The following PALLD variants were observed in gnomAD, a reference collection of about 807,000 sequenced individuals.
PALLD encodes palladin.
Under a neutral mutation model 123.5 loss-of-function variants are expected in PALLD, and 61 were observed. The observed-to-expected ratio is 0.49, with a 90% CI of 0.40 to 0.61. PALLD has a LOEUF of 0.61. Ranked by LOEUF, PALLD falls within the 20% of genes least tolerant of loss-of-function variation. The pLI is 0.00. For missense variants in PALLD, 1,273 were observed against 1,377.0 expected (o/e 0.92, Z 1.20); for synonymous variants, 465 against 496.4 (o/e 0.94, Z 0.84).
chr4:168,855,589 T>C (rs1748493621), intron 10 of PALLD, among the ~76,000 whole-genome samples: 1 of 152,218 alleles, frequency 6.6e-6, no homozygotes, highest in African/African-American at 2.4e-5. Flanking sequence ...GTGTGTGACC[T>C]TGACATTATG....
chr4:168,756,165 C>T (rs937566460), intron 10 of PALLD: 2 of 177,306 alleles, frequency 1.1e-5, no homozygotes, highest in South Asian at 1.1e-4. Context: ...CTTTCTTGAG[C>T]GAAAAATATA....
chr4:168,815,690 A>G, intron 10 of PALLD, among the ~76,000 whole-genome samples: 1 of 152,236 alleles, frequency 6.6e-6, no homozygotes. Flanking sequence ...TGGAGCGGAT[A>G]GCCCAATGCC....
At chr4:168,834,207 G>C (rs1231117802) in intron 10 of PALLD, among the ~76,000 whole-genome samples, 2 of 151,932 alleles carry the variant, frequency 1.3e-5, no homozygotes, top group Non-Finnish European at 2.9e-5. Flanking sequence ...TGGAAATAAT[G>C]CAGCTTTATT....
intron 10 of PALLD, among the ~76,000 whole-genome samples, chr4:168,793,727 C>T (rs1390657989): frequency 6.6e-6 from 1 of 152,160 alleles, no homozygotes; most frequent in African/African-American, 2.4e-5. Context: ...AGGAAGAGCA[C>T]AGCCCATCTT....
chr4:168,893,722 TC>T (rs1320640786), intron 11 of PALLD, among the ~76,000 whole-genome samples: 1 of 152,188 alleles, frequency 6.6e-6, no homozygotes, highest in East Asian at 1.9e-4. Flanking sequence ...AGAGCAGGTA[TC>T]ACCCCAACAG....
intron 10 of PALLD, among the ~76,000 whole-genome samples, chr4:168,780,642 A>G (rs1453553288): frequency 1.3e-5 from 2 of 152,120 alleles, no homozygotes; most frequent in African/African-American, 4.8e-5. Context: ...CAAATATTAT[A>G]TATTTAATGT....
chr4:168,674,928 T>G (rs1387792644), intron 3 of PALLD, among the ~76,000 whole-genome samples: 1 of 152,088 alleles, frequency 6.6e-6, no homozygotes, highest in Non-Finnish European at 1.5e-5. Context: ...AAATAGATCA[T>G]GCAGGAGGGA....
At chr4:168,678,326 A>AAAGG (rs1265899398) in intron 3 of PALLD, among the ~76,000 whole-genome samples, 1 of 152,124 alleles carries the variant, frequency 6.6e-6, no homozygotes, top group African/African-American at 2.4e-5. Context: ...TGCCCAGCAG[A>AAAGG]CGCCGGGCAC....
intron 3 of PALLD, among the ~76,000 whole-genome samples, chr4:168,678,952 G>A (rs1235334547): frequency 6.7e-6 from 1 of 149,622 alleles, no homozygotes; most frequent in East Asian, 2.0e-4. Flanking sequence ...TGTGTGGTGT[G>A]TGTGTGGGTG....
intron 1 of PALLD, among the ~76,000 whole-genome samples, chr4:168,503,401 G>A (rs1296757529): frequency 1.3e-5 from 2 of 152,182 alleles, no homozygotes; most frequent in Non-Finnish European, 2.9e-5. Flanking sequence ...TGTAATCCCA[G>A]CACTTTGGGA....
intron 10 of PALLD, among the ~76,000 whole-genome samples, chr4:168,812,059 A>C (rs1741243635): frequency 6.6e-6 from 1 of 152,202 alleles, no homozygotes; most frequent in Non-Finnish European, 1.5e-5. Flanking sequence ...GACATCAAGG[A>C]AAAAACGTAT....
At chr4:168,833,637 G>A (rs984677004) in intron 10 of PALLD, among the ~76,000 whole-genome samples, 2 of 152,008 alleles carry the variant, frequency 1.3e-5, no homozygotes, top group African/African-American at 4.8e-5. Flanking sequence ...TGTCAGGACT[G>A]TCTCCTTAAC....
At chr4:168,600,232 T>C (rs1561291800) in intron 2 of PALLD, among the ~76,000 whole-genome samples, 1 of 152,200 alleles carries the variant, frequency 6.6e-6, no homozygotes, top group Non-Finnish European at 1.5e-5. Context: ...CAATTTAGTT[T>C]ACATATTATA....
chr4:168,550,337 C>A (rs1366111161), intron 2 of PALLD, among the ~76,000 whole-genome samples: 1 of 152,072 alleles, frequency 6.6e-6, no homozygotes, highest in Non-Finnish European at 1.5e-5. Flanking sequence ...TTCAATCATA[C>A]CATCCAAAGC....
At chr4:168,715,718 A>G (rs1785284124) in intron 10 of PALLD, among the ~76,000 whole-genome samples, 1 of 152,208 alleles carries the variant, frequency 6.6e-6, no homozygotes, top group African/African-American at 2.4e-5. Context: ...TGGAAGGCCA[A>G]GGTGGGCGGA....
chr4:168,694,927 C>T (rs1782996972), intron 8 of PALLD, among the ~76,000 whole-genome samples: 1 of 152,172 alleles, frequency 6.6e-6, no homozygotes. Context: ...CCTTCAAAGA[C>T]TAGTCTGGGG....
chr4:168,612,093 G>A (rs1580574895), intron 2 of PALLD, among the ~76,000 whole-genome samples: 1 of 152,274 alleles, frequency 6.6e-6, no homozygotes, highest in African/African-American at 2.4e-5. Flanking sequence ...CCGAGAGGTT[G>A]AGGCTGCAGT....
At chr4:168,829,233 T>C (rs889623996) in intron 10 of PALLD, 1 of 152,220 alleles carries the variant, frequency 6.6e-6, no homozygotes, top group Admixed American at 6.5e-5. Context: ...CACTGAAAAG[T>C]GAAAACTGGT....
rs1213280057 is a variant in PALLD at position 168,898,591 on chromosome 4, T to C, written c.2349T>C (p.Tyr783=). 1 of 1,613,502 alleles carries C rather than the reference T, an allele frequency of 6.2e-7. No homozygotes were observed. Among genetic ancestry groups the C allele is most frequent in the Non-Finnish European group, 8.5e-7 (1 of 1,179,542 alleles). The change falls in exon 14 of 22, where the codon TAT becomes TAC. Residue 783 remains tyrosine (Y), a synonymous_variant. Transcript: ENST00000505667. Reference sequence around the variant, plus strand: ...ATGAATCAGGTGATGAAGTTCAGTATGGAGATGTGCCTGTGGAAAATGGAA... The same window carrying C: ...ATGAATCAGGTGATGAAGTTCAGTACGGAGATGTGCCTGTGGAAAATGGAA... The part of the protein sequence containing the change: ...PVDESGDEVQ[Y]GDVPVENGMA...
Sources: gnomAD v4.1 joint callset for allele counts (sites outside exome capture counted in the v4.1 genomes callset) on GRCh38, gnomAD v4.1.1 for gene constraint, MANE v1.5 for transcripts, NCBI Gene and HGNC (gene_info 2026-07-23, HGNC 2026-07-21) for gene names.